Variants in MAML3 observed in about 807,000 individuals in gnomAD.
MAML3 encodes the protein mastermind-like protein 3.
MAML3 carries 27 observed loss-of-function variants against 101.9 expected under a neutral mutation model. That is an observed-to-expected ratio of 0.27 (90% CI 0.20 to 0.37). The LOEUF is 0.37. Ranked by LOEUF, MAML3 falls within the 10% of genes least tolerant of loss-of-function variation. MAML3 has a pLI of 1.00. For synonymous variants in MAML3, 501 were observed against 555.9 expected, an observed-to-expected ratio of 0.90 and a Z score of 1.39; for missense variants, 1,316 against 1,444.9, an observed-to-expected ratio of 0.91 and a Z score of 1.45.
chr4:140,089,343 ACAAT>A (rs1728007304), intron 1 of MAML3, among the ~76,000 whole-genome samples: 1 of 152,222 alleles, frequency 6.6e-6, no homozygotes, highest in South Asian at 2.1e-4. Context: ...CCCCCCCTTG[ACAAT>A]CAGTTACACA....
At chr4:139,965,938 G>A (rs1734122082) in intron 1 of MAML3, among the ~76,000 whole-genome samples, 1 of 152,124 alleles carries the variant, frequency 6.6e-6, no homozygotes, top group Non-Finnish European at 1.5e-5. Context: ...ACAGGATTGG[G>A]GGAAGGGAGG....
intron 1 of MAML3, among the ~76,000 whole-genome samples, chr4:140,147,648 G>A (rs1371526619): frequency 6.6e-6 from 1 of 152,194 alleles, no homozygotes. Context: ...TTGACAGTGA[G>A]TTTTAAATAT....
chr4:139,885,117 C>T (rs151107145), intron 2 of MAML3, among the ~76,000 whole-genome samples: 3 of 152,288 alleles, frequency 2.0e-5, no homozygotes, highest in Admixed American at 2.0e-4. Context: ...AATAAATACT[C>T]AGGCCGGGTG....
At chr4:139,931,846 C>A (rs1296648511) in intron 1 of MAML3, among the ~76,000 whole-genome samples, 2 of 145,598 alleles carry the variant, frequency 1.4e-5, no homozygotes, top group Admixed American at 6.7e-5. Flanking sequence ...GCCGTCTCTA[C>A]TAAAAAAAAA....
At chr4:139,892,188 C>T (rs1047011485) in intron 1 of MAML3, among the ~76,000 whole-genome samples, 3 of 152,220 alleles carry the variant, frequency 2.0e-5, no homozygotes, top group Admixed American at 6.5e-5. Context: ...CTCAGCTCCA[C>T]TAAATCCAAT....
chr4:140,059,563 A>G (rs886420738), intron 1 of MAML3, among the ~76,000 whole-genome samples: 3 of 152,230 alleles, frequency 2.0e-5, no homozygotes, highest in African/African-American at 7.2e-5. Context: ...AATACTTATT[A>G]TTTTAAAAAC....
In MAML3 at chr4:140,050,855, C is replaced by T. The variant is rs149629678; in HGVS notation, c.468+102005G>A. Among the ~76,000 whole-genome samples, 128 of 152,214 alleles carry T rather than the reference C, an allele frequency of 8.4e-4. 1 individual carries two copies. Among genetic ancestry groups the T allele is most frequent in the South Asian group, 6.4e-3 (31 of 4,828 alleles). The stretch of plus-strand genomic sequence containing the variant: ...ATTACTTGTTAATCCTGTTTGATAC[C>T]CAATGAAGTTATCCTGGAAAAAAAA... On this transcript the variant is annotated intron_variant, in intron 1 of 4. Coordinates refer to ENST00000509479, the MANE Select transcript of MAML3 (RefSeq NM_018717.5).
chr4:139,829,106 AAAGG>A (rs756630271), intron 2 of MAML3, among the ~76,000 whole-genome samples: 79 of 149,444 alleles, frequency 5.3e-4, no homozygotes, highest in Middle Eastern at 3.4e-3. Context: ...AAAAGGAAAG[AAAGG>A]AAGAAAGAGA....
chr4:139,884,410 G>A (rs1259888172), intron 2 of MAML3, among the ~76,000 whole-genome samples: 8 of 152,298 alleles, frequency 5.3e-5, no homozygotes, highest in South Asian at 2.1e-4. Flanking sequence ...GAAAACATAC[G>A]TGTAAAGAAT....
intron 1 of MAML3, among the ~76,000 whole-genome samples, chr4:140,111,084 A>G (rs991903356): frequency 6.6e-6 from 1 of 152,248 alleles, no homozygotes; most frequent in African/African-American, 2.4e-5. Context: ...CTGTCAGCAC[A>G]TTATAGTCAT....
chr4:139,906,314 T>C (rs1437687639), intron 1 of MAML3, among the ~76,000 whole-genome samples: 1 of 152,156 alleles, frequency 6.6e-6, no homozygotes, highest in Non-Finnish European at 1.5e-5. Flanking sequence ...TCACATTCAC[T>C]CCTTAACTAT....
intron 1 of MAML3, among the ~76,000 whole-genome samples, chr4:139,942,264 C>T (rs1733622891): frequency 6.6e-6 from 1 of 152,120 alleles, no homozygotes; most frequent in Non-Finnish European, 1.5e-5. Flanking sequence ...AAGAAGAACA[C>T]AACCCAGAAG....
rs70943471 is a variant in MAML3 at position 140,060,365 on chromosome 4, C to CAAAAAAAAA, written c.468+92486_468+92494dup. 3.5e-3 allele frequency among the ~76,000 whole-genome samples: 66 copies of CAAAAAAAAA among 19,124 alleles called. 20 individuals carry two copies. The highest frequency in any genetic ancestry group is 9.1e-3 in the African/African-American group (51 of 5,634). 12.5% of individuals were successfully genotyped at this position (19,124 alleles called of 152,430 possible). A position where few individuals can be genotyped will look rare whatever the true frequency, so the allele number is the denominator to read the frequency against. On this transcript the variant is annotated intron_variant, in intron 1 of 4. Coordinates refer to ENST00000509479, the MANE Select transcript of MAML3 (RefSeq NM_018717.5). Reference sequence around the variant, plus strand: ...TGGGCGACAGAGTAAGACTCTGTCTCAAAAAAAAAAAAAAAAAAAAGTCAC... The same window carrying CAAAAAAAAA: ...TGGGCGACAGAGTAAGACTCTGTCTCAAAAAAAAAAAAAAAAAAAAAAAAAAAAAGTCAC...
rs1437224299 is a variant in MAML3 at position 140,137,082 on chromosome 4, G to A, written c.468+15778C>T. On this transcript the variant is annotated intron_variant, in intron 1 of 4. Transcript: ENST00000509479. ...CGGCTCACTGCAGGCTCCGCCTCCC[G>A]GGTTCACGCCATTCTCCTGCCTCAG... Among the ~76,000 whole-genome samples the A allele has an allele frequency of 9.8e-5, 15 of 152,288 alleles. 1 individual carries two copies. The South Asian group carries it at 2.3e-3, about 23-fold the overall frequency.
At chr4:139,827,372 C>T (rs765735420) in intron 2 of MAML3, among the ~76,000 whole-genome samples, 1 of 152,170 alleles carries the variant, frequency 6.6e-6, no homozygotes, top group Non-Finnish European at 1.5e-5. Flanking sequence ...TGAAAAGGAG[C>T]TGTGGACTGG....
chr4:139,798,052 GAA>G (rs1730544419), intron 2 of MAML3, among the ~76,000 whole-genome samples: 1 of 125,322 alleles, frequency 8.0e-6, no homozygotes, highest in Non-Finnish European at 1.7e-5. Context: ...AAGAAAGAAA[GAA>G]AGAAAGAAAG....
chr4:139,772,055 C>A (rs182067874), intron 2 of MAML3, among the ~76,000 whole-genome samples: 2 of 150,514 alleles, frequency 1.3e-5, no homozygotes, highest in Non-Finnish European at 3.0e-5. Context: ...CTGGCTAACA[C>A]GGTGAAACCC....
At chr4:140,045,680 G>T (rs1043416042) in intron 1 of MAML3, among the ~76,000 whole-genome samples, 5 of 151,944 alleles carry the variant, frequency 3.3e-5, no homozygotes, top group African/African-American at 1.2e-4. Context: ...TAATTTCTTA[G>T]AAAAAAATTT....
chr4:140,105,711 G>C (rs1372652829), intron 1 of MAML3, among the ~76,000 whole-genome samples: 2 of 152,046 alleles, frequency 1.3e-5, no homozygotes, highest in South Asian at 2.1e-4. Context: ...AGTTGCCTGT[G>C]GGGGACATGG....
Sources: gnomAD v4.1 joint callset for allele counts (sites outside exome capture counted in the v4.1 genomes callset) on GRCh38, gnomAD v4.1.1 for gene constraint, MANE v1.5 for transcripts, NCBI Gene and HGNC (gene_info 2026-07-23, HGNC 2026-07-21) for gene names.